The following RAB6A variants were observed in gnomAD, a reference collection of about 807,000 sequenced individuals.
RAB6A encodes the protein RAB6A, member RAS oncogene family.
RAB6A carries 8 observed loss-of-function variants against 32.3 expected under a neutral mutation model. That is an observed-to-expected ratio of 0.25 (90% CI 0.15 to 0.45). The LOEUF (loss-of-function observed/expected upper bound fraction) is 0.45. Among genes scored for constraint, RAB6A ranks in the 20% least tolerant of loss-of-function variants. The pLI is 1.00. For missense variants in RAB6A, 104 were observed against 249.4 expected, an observed-to-expected ratio of 0.42 and a Z score of 3.93; for synonymous variants, 73 against 82.1, an observed-to-expected ratio of 0.89 and a Z score of 0.60.
At chr11:73,751,764 C>T (rs1335082366) in intron 1 of RAB6A, among the ~76,000 whole-genome samples, 1 of 152,112 alleles carries the variant, frequency 6.6e-6, no homozygotes, top group Non-Finnish European at 1.5e-5. Flanking sequence ...ACCCTCTCTC[C>T]ATTCACCTCC....
At chr11:73,746,077 G>A (rs781631298) in intron 1 of RAB6A, among the ~76,000 whole-genome samples, 9 of 151,614 alleles carry the variant, frequency 5.9e-5, no homozygotes, top group Non-Finnish European at 1.3e-4. Context: ...AGTAGTCCCA[G>A]CTAACTACTC....
At chr11:73,718,743 G>C in intron 3 of RAB6A, 25 bp from the exon 4 acceptor site, 1 of 1,613,780 alleles carries the variant, frequency 6.2e-7, no homozygotes, top group Non-Finnish European at 8.5e-7. Context: ...AGTCAAACAA[G>C]CAAGAAAAAT....
intron 1 of RAB6A, among the ~76,000 whole-genome samples, chr11:73,759,714 T>C (rs551822948): frequency 2.0e-5 from 3 of 152,198 alleles, no homozygotes; most frequent in Non-Finnish European, 4.4e-5. Context: ...ACTCAGACGC[T>C]GCTTCATGTT....
rs1565374172 is a variant in RAB6A at position 73,739,287 on chromosome 11, ATATATATAT to A, written c.71-8473_71-8465del. Among the ~76,000 whole-genome samples the A allele has an allele frequency of 1.4e-3, 91 of 64,436 alleles. 1 individual carries two copies. The highest frequency in any genetic ancestry group is 2.6e-3 in the Non-Finnish European group (77 of 30,068). The allele number at this position is 64,436 out of a possible 152,430, so 42.3% of individuals were successfully genotyped here. On this transcript the variant is annotated intron_variant, in intron 1 of 7. Transcript: ENST00000336083. ...TTAAAAAAAAAAAAAAAAAAAAAAT[ATATATATAT>A]ATATATATAAATACTGGAACACCAA... is the stretch of plus-strand genomic sequence containing the variant.
intron 5 of RAB6A, among the ~76,000 whole-genome samples, chr11:73,708,677 A>C (rs1252527945): frequency 6.6e-6 from 1 of 152,240 alleles, no homozygotes; most frequent in African/African-American, 2.4e-5. Flanking sequence ...GCAGATAAGT[A>C]TTCCATAAAT....
chr11:73,744,834 G>A (rs1216999759), intron 1 of RAB6A, among the ~76,000 whole-genome samples: 1 of 151,458 alleles, frequency 6.6e-6, no homozygotes, highest in African/African-American at 2.4e-5. Context: ...AATTAGCTGG[G>A]CATGGTGATG....
At chr11:73,722,305 G>GTGTGTGTATATATA (rs1238666420) in intron 2 of RAB6A, 1 of 42,366 alleles carries the variant, frequency 2.4e-5, no homozygotes, top group Non-Finnish European at 4.4e-5. Flanking sequence ...ATGTGTGTGT[G>GTGTGTGTATATATA]TATATATATA....
chr11:73,687,831 T>A (rs1305959721), intron 6 of RAB6A, among the ~76,000 whole-genome samples: 2 of 150,824 alleles, frequency 1.3e-5, no homozygotes, highest in Non-Finnish European at 3.0e-5. Flanking sequence ...CACTCCAGCT[T>A]GGGCAACAAG....
At chr11:73,696,994 C>A (rs531766880) in intron 6 of RAB6A, among the ~76,000 whole-genome samples, 2 of 152,310 alleles carry the variant, frequency 1.3e-5, no homozygotes, top group East Asian at 1.9e-4. Context: ...CAAATCCTCA[C>A]TACTGCCCAC....
intron 1 of RAB6A, among the ~76,000 whole-genome samples, chr11:73,750,062 A>G (rs1440500582): frequency 2.0e-5 from 3 of 152,204 alleles, no homozygotes; most frequent in African/African-American, 7.2e-5. Context: ...AATAACAGGT[A>G]AAGATGAGTG....
At chr11:73,758,276 G>A (rs1348795628) in intron 1 of RAB6A, among the ~76,000 whole-genome samples, 1 of 152,120 alleles carries the variant, frequency 6.6e-6, no homozygotes, top group East Asian at 1.9e-4. Context: ...ATTGAATGCT[G>A]AAACAGAAAA....
At chr11:73,744,109 C>T (rs1303595594) in intron 1 of RAB6A, among the ~76,000 whole-genome samples, 1 of 151,896 alleles carries the variant, frequency 6.6e-6, no homozygotes, top group Non-Finnish European at 1.5e-5. Context: ...GAGGCTGAGG[C>T]GGGTGGATCA....
chr11:73,739,584 C>T (rs1201958773), intron 1 of RAB6A, among the ~76,000 whole-genome samples: 1 of 151,632 alleles, frequency 6.6e-6, no homozygotes, highest in African/African-American at 2.4e-5. Flanking sequence ...TCAAGAAATC[C>T]TGCCACCTCT....
intron 6 of RAB6A, among the ~76,000 whole-genome samples, chr11:73,687,195 T>G (rs1945472258): frequency 6.6e-6 from 1 of 151,966 alleles, no homozygotes; most frequent in Non-Finnish European, 1.5e-5. Flanking sequence ...AGACACAAAG[T>G]AGAATGGCTG....
chr11:73,757,130 T>TATATATATATATATATATATA (rs57416985), intron 1 of RAB6A, among the ~76,000 whole-genome samples: 1 of 29,606 alleles, frequency 3.4e-5, no homozygotes, highest in African/African-American at 1.8e-4. Context: ...TATATATATA[T>TATATATATATATATATATATA]TTTTTTTTTT....
chr11:73,704,764 A>G (rs1310492323), intron 6 of RAB6A, among the ~76,000 whole-genome samples: 1 of 152,006 alleles, frequency 6.6e-6, no homozygotes, highest in African/African-American at 2.4e-5. Flanking sequence ...TGGGAGGCCG[A>G]GGTGGGCAGA....
chr11:73,745,775 T>C (rs566335793), intron 1 of RAB6A, among the ~76,000 whole-genome samples: 20 of 152,162 alleles, frequency 1.3e-4, no homozygotes, highest in Non-Finnish European at 2.8e-4. Flanking sequence ...GAAGTTGCAG[T>C]GAGCCAAGAT....
Position 73,693,502 on chromosome 11 carries a change from T to C in RAB6A, c.496-13782A>G, listed in dbSNP as rs991320953. ...ACTTTGGGAGGCTGAGGCGGGTGGA[T>C]CACTTGGAGTGTAGGAGTTTGAGAC... On this transcript the variant is annotated intron_variant, in intron 6 of 7. Transcript: ENST00000336083. Among the ~76,000 whole-genome samples the C allele has an allele frequency of 1.6e-3, 247 of 150,090 alleles. 1 individual carries two copies. Among genetic ancestry groups the C allele is most frequent in the Middle Eastern group, 7.1e-3 (2 of 282 alleles).
At chr11:73,708,805 GC>G in intron 5 of RAB6A, among the ~76,000 whole-genome samples, 2 of 152,266 alleles carry the variant, frequency 1.3e-5, no homozygotes, top group Middle Eastern at 6.8e-3. Context: ...TTGCAAGTGT[GC>G]CCTTATATCC....
Sources: allele counts gnomAD v4.1 joint callset (sites outside exome capture counted in the v4.1 genomes callset), GRCh38; gene constraint gnomAD v4.1.1; transcripts MANE v1.5; gene names NCBI Gene and HGNC (gene_info 2026-07-23, HGNC 2026-07-21).